The following SUPV3L1 variants were observed in gnomAD, a reference collection of about 807,000 sequenced individuals.
SUPV3L1 encodes the protein Suv3 like RNA helicase.
SUPV3L1 carries 35 observed loss-of-function variants against 70.0 expected under a neutral mutation model. The ratio of observed to expected loss-of-function variants is 0.50; its 90% CI spans 0.38 to 0.66. The LOEUF (loss-of-function observed/expected upper bound fraction) is 0.66. Among genes scored for constraint, SUPV3L1 ranks in the 30% least tolerant of loss-of-function variants. SUPV3L1 has a pLI of 0.00. For synonymous variants in SUPV3L1, 364 were observed against 341.9 expected, an observed-to-expected ratio of 1.06 and a Z score of -0.71; for missense variants, 777 against 961.5, an observed-to-expected ratio of 0.81 and a Z score of 2.54.
At chr10:69,195,023 G>A (rs1842503485) in intron 6 of SUPV3L1, among the ~76,000 whole-genome samples, 165 bp from the exon 7 acceptor site, 1 of 152,168 alleles carries the variant, frequency 6.6e-6, no homozygotes, top group East Asian at 1.9e-4. Flanking sequence ...TAAAGAGGAG[G>A]TACTTAAGAG....
intron 8 of SUPV3L1, among the ~76,000 whole-genome samples, chr10:69,197,389 C>T (rs1005356517): frequency 2.0e-5 from 3 of 152,110 alleles, no homozygotes; most frequent in African/African-American, 7.2e-5. Flanking sequence ...AAGTTGGAGA[C>T]CCAGCAAGTT....
chr10:69,201,120 A>G (rs944176697), intron 11 of SUPV3L1, among the ~76,000 whole-genome samples: 1 of 152,176 alleles, frequency 6.6e-6, no homozygotes, highest in African/African-American at 2.4e-5. Context: ...AGAAGCTTCC[A>G]GGGGAAGGCT....
In SUPV3L1 at chr10:69,207,001, C is replaced by T. The variant is rs148190151; in HGVS notation, c.1777-792C>T. The stretch of plus-strand genomic sequence containing the variant: ...CAGCCTGGGTAACAGAGCGAGACTC[C>T]GTCTCAAAAAAATAAAAAATAAGGG... On this transcript the variant is annotated intron_variant, in intron 13 of 14. Coordinates refer to ENST00000359655, the MANE Select transcript of SUPV3L1 (RefSeq NM_003171.5). Among the ~76,000 whole-genome samples, 1,342 of 151,748 alleles carry T rather than the reference C, an allele frequency of 8.8e-3. 6 individuals are homozygous for T. Among genetic ancestry groups the T allele is most frequent in the Middle Eastern group, 0.037 (11 of 294 alleles).
Position 69,195,256 on chromosome 10 carries a change from G to A in SUPV3L1, c.922G>A (p.Ala308Thr). The A allele has an allele frequency of 6.2e-7, 1 of 1,610,718 alleles. No individual in the cohort carries two copies. ...AGCCAGAGGATGGGCCTGGACCAGA[G>A]CACTTCTAGGTTGGTGGTCGTAATG... ...DPARGWAWTRALLGLCAEEVH... is the reference protein window; with the variant it reads ...DPARGWAWTRTLLGLCAEEVH... Residue 308 changes from alanine to threonine, a missense_variant, in exon 7 of 15, where the codon GCA (alanine) becomes ACA (threonine). By Grantham distance (58) the Ala-to-Thr change is moderately conservative (BLOSUM62 0). Coordinates refer to ENST00000359655, the MANE Select transcript of SUPV3L1 (RefSeq NM_003171.5).
Position 69,200,299 on chromosome 10 carries a change from T to G in SUPV3L1, c.1318T>G (p.Phe440Val). Residue 440 changes from phenylalanine (F) to valine (V), a missense_variant, in exon 11 of 15, where the codon TTT becomes GTT. Coordinates refer to ENST00000359655, the MANE Select transcript of SUPV3L1 (RefSeq NM_003171.5). ...TTTCAGGAGCATAAGGAGAATTATT[T>G]TTTACTCCCTTATAAAGCCCAGTAT... ...GLNLSIRRIIFYSLIKPSINE... is the reference protein window; with the variant it reads ...GLNLSIRRIIVYSLIKPSINE... The G allele has an allele frequency of 6.2e-7, 1 of 1,613,654 alleles. No homozygotes were observed. The highest frequency in any genetic ancestry group is 8.5e-7 in the Non-Finnish European group (1 of 1,179,846).
chr10:69,182,553 T>C (rs1842094957), intron 1 of SUPV3L1: 1 of 985,436 alleles, frequency 1.0e-6, no homozygotes, highest in East Asian at 1.1e-4. Context: ...TAAATGTCTT[T>C]GCTGCTTCCT....
chr10:69,198,422 A>G lies in SUPV3L1; in HGVS notation c.1074A>G (p.Leu358=), dbSNP rs200972958. 1.9e-6 allele frequency: 3 copies of G among 1,614,064 alleles called. No individual in the cohort carries two copies. The highest frequency in any genetic ancestry group is 2.2e-5 in the East Asian group (1 of 44,864). Residue 358 remains leucine, a synonymous_variant, in exon 9 of 15, where the codon CTA becomes CTG. Transcript: ENST00000359655. ...CCATTTCTGTGCTGGACCATGCACT[A>G]GAATCTTTAGATAACCTTCGGCCTG... is the stretch of plus-strand genomic sequence containing the variant. The part of the protein sequence containing the change: ...LTPISVLDHA[L]ESLDNLRPGD...
chr10:69,203,430 G>A (rs560560372), intron 13 of SUPV3L1, among the ~76,000 whole-genome samples: 51 of 152,154 alleles, frequency 3.4e-4, no homozygotes, highest in Admixed American at 3.0e-3. Flanking sequence ...TTGGGAGGCC[G>A]AGGCGGGTGG....
chr10:69,195,275 C>G lies in SUPV3L1; in HGVS notation c.931+10C>G. The G allele has an allele frequency of 6.3e-7, 1 of 1,591,576 alleles. No homozygotes were observed. Among genetic ancestry groups the G allele is most frequent in the East Asian group, 2.3e-5 (1 of 44,412 alleles). On this transcript the variant is annotated intron_variant, in intron 7 of 14. Coordinates refer to ENST00000359655, the MANE Select transcript of SUPV3L1 (RefSeq NM_003171.5). ...ACCAGAGCACTTCTAGGTTGGTGGT[C>G]GTAATGCTATAAAACCCGTGCTTTA...
intron 13 of SUPV3L1, among the ~76,000 whole-genome samples, chr10:69,205,991 G>T (rs1405763992): frequency 6.7e-6 from 1 of 150,344 alleles, no homozygotes; most frequent in Non-Finnish European, 1.5e-5. Flanking sequence ...GCTCCATGGA[G>T]CTCCTTTAGG....
At chr10:69,182,711 A>T in intron 1 of SUPV3L1, 1 of 982,210 alleles carries the variant, frequency 1.0e-6, no homozygotes, top group Non-Finnish European at 1.2e-6. Context: ...TACTAGAATG[A>T]TTTTTCAGCA....
Position 69,208,583 on chromosome 10 carries a change from A to C in SUPV3L1, c.1926-17A>C. ...GATAAGAGCTGTTGCTATAATGCTA[A>C]TGTGTCTTTTTCCCAGCTACCGATT... is the stretch of plus-strand genomic sequence containing the variant. On this transcript the variant is annotated splice_polypyrimidine_tract_variant and intron_variant, in intron 14 of 14. Coordinates refer to ENST00000359655, the MANE Select transcript of SUPV3L1 (RefSeq NM_003171.5). 1 of 1,605,070 alleles carries C rather than the reference A, an allele frequency of 6.2e-7. No homozygotes were observed. Among genetic ancestry groups the C allele is most frequent in the Non-Finnish European group, 8.5e-7 (1 of 1,174,064 alleles).
At chr10:69,203,825 A>C (rs185803833) in intron 13 of SUPV3L1, among the ~76,000 whole-genome samples, 2 of 151,968 alleles carry the variant, frequency 1.3e-5, no homozygotes, top group African/African-American at 2.4e-5. Context: ...TCCCTGGCTC[A>C]AGTGATCCTG....
At chr10:69,208,048 T>G (rs1024751633) in intron 14 of SUPV3L1, 107 bp downstream of exon 14, 1 of 1,356,256 alleles carries the variant, frequency 7.4e-7, no homozygotes, top group African/African-American at 1.5e-5. Flanking sequence ...TGCAAGATGC[T>G]CTATATTATG....
chr10:69,193,629 C>T (rs181196989), intron 6 of SUPV3L1, among the ~76,000 whole-genome samples: 3 of 152,068 alleles, frequency 2.0e-5, no homozygotes, highest in South Asian at 4.2e-4. Flanking sequence ...AGGCTGGCCT[C>T]GAACTCCCGG....
rs183855905 is a variant in SUPV3L1, at chr10:69,186,064, G to T, written c.349G>T (p.Ala117Ser). 6.2e-7 allele frequency: 1 copy of T among 1,613,472 alleles called. No homozygotes were observed. Among genetic ancestry groups the T allele is most frequent in the East Asian group, 2.2e-5 (1 of 44,878 alleles). ...QKLGADYGLD[A>S]RLFHQAFISF... ...ACTGGGTGCTGATTATGGACTTGAT[G>T]GTAAGGCCCAAAACATCTTCATAGA... Residue 117 changes from alanine to serine, a missense_variant and splice_region_variant, in exon 2 of 15, where the codon GCT (alanine) becomes TCT (serine). Physicochemically the swap from Ala to Ser is moderately conservative, Grantham distance 99. This residue lies in a region of SUPV3L1 where 619 missense variants were observed against 823.3 expected (regional missense o/e 0.75). Transcript: ENST00000359655.
chr10:69,199,286 C>A, intron 10 of SUPV3L1, 89 bp downstream of exon 10: 2 of 926,928 alleles, frequency 2.2e-6, no homozygotes, highest in Non-Finnish European at 3.3e-6. Context: ...CATTAATGAC[C>A]AAACGCTATG....
In SUPV3L1 at chr10:69,199,178, AT is replaced by A; in HGVS notation, c.1281del (p.Ile427MetfsTer7). 6.2e-7 allele frequency: 1 copy of A among 1,611,454 alleles called. No individual in the cohort carries two copies. Among genetic ancestry groups the A allele is most frequent in the Non-Finnish European group, 8.5e-7 (1 of 1,179,180 alleles). ...PCKILVATDA[I>X]GMGLNLSIRR... ...CAAAATCTTGGTTGCTACAGATGCA[AT>A]TGGCATGGGACTTAATTTGTAAGTA... On this transcript the variant is annotated frameshift_variant, in exon 10 of 15. Transcript: ENST00000359655. LOFTEE classifies it high-confidence loss of function.
intron 1 of SUPV3L1, 58 bp from the exon 2 acceptor site, chr10:69,185,928 CT>C (rs1345769400): frequency 1.1e-5 from 15 of 1,364,178 alleles, no homozygotes; most frequent in Middle Eastern, 4.1e-4. Flanking sequence ...GTTTCTTTTG[CT>C]TTTTTTCAGC....
Sources: gnomAD v4.1 joint callset for allele counts (sites outside exome capture counted in the v4.1 genomes callset) on GRCh38, gnomAD v4.1.1 for gene constraint, gnomAD v4.1.1 regional missense constraint, MANE v1.5 for transcripts, NCBI Gene and HGNC (gene_info 2026-07-23, HGNC 2026-07-21) for gene names.